The following DCP1B variants were observed in gnomAD, a reference collection of about 807,000 sequenced individuals.
The protein encoded by DCP1B is decapping mRNA 1B, also known as mRNA-decapping enzyme 1B.
In DCP1B, 47 loss-of-function variants were observed where a neutral mutation model predicts 60.5. That is an observed-to-expected ratio of 0.78 (90% confidence interval 0.61 to 0.99). The LOEUF is 0.99. DCP1B is among the 50% of genes least tolerant of loss of function. DCP1B has a pLI of 0.00. For synonymous variants in DCP1B, 267 were observed against 280.3 expected, an observed-to-expected ratio of 0.95 and a Z score of 0.47; for missense variants, 725 against 756.8, an observed-to-expected ratio of 0.96 and a Z score of 0.49.
At chr12:1,943,315 A>T (rs1247005058), downstream of DCP1B, among the ~76,000 whole-genome samples, 3 of 152,228 alleles carry the variant, frequency 2.0e-5, no homozygotes, top group Non-Finnish European at 4.4e-5. Context: ...ATAGCCTATC[A>T]ACCCAGGACC....
In DCP1B at chr12:1,952,666, T is replaced by C. The variant is rs751757639; in HGVS notation, c.1274A>G (p.Glu425Gly). ...QTVGHQAHGR[E>G]QSTLPRQTLP... Reference sequence around the variant, plus strand: ...TGTTTGTCTTGGGAGTGTGGACTGTTCTCTTCCATGAGCCTGATGTCCTAC... The same window carrying C: ...TGTTTGTCTTGGGAGTGTGGACTGTCCTCTTCCATGAGCCTGATGTCCTAC... Residue 425 changes from glutamate (E) to glycine (G), a missense_variant, in exon 7 of 9, where the codon GAA (glutamate) becomes GGA (glycine). Glu to Gly is a moderately conservative substitution (Grantham distance 98). Transcript: ENST00000280665. 2 of 1,614,124 alleles carry C rather than the reference T, an allele frequency of 1.2e-6. No individual in the cohort carries two copies. The highest frequency in any genetic ancestry group is 1.1e-5 in the South Asian group (1 of 91,072).
intron 3 of DCP1B, among the ~76,000 whole-genome samples, chr12:1,986,887 T>C (rs752991134): frequency 1.3e-5 from 2 of 152,198 alleles, no homozygotes; most frequent in Non-Finnish European, 2.9e-5. Context: ...GGGAGAGATA[T>C]ACTGTAGTGA....
chr12:1,997,259 T>C (rs895594505), intron 2 of DCP1B, among the ~76,000 whole-genome samples: 1 of 152,236 alleles, frequency 6.6e-6, no homozygotes, highest in African/African-American at 2.4e-5. Context: ...CCAGGTGCGG[T>C]GGCTCACGCC....
intron 1 of DCP1B, 77 bp downstream of exon 1, chr12:2,004,205 T>A: frequency 6.3e-7 from 1 of 1,576,148 alleles, no homozygotes; most frequent in Non-Finnish European, 8.6e-7. Flanking sequence ...CCTCACCGGG[T>A]CCTCAAGTCC....
rs1437991403 is a variant in DCP1B, at chr12:1,953,098, C to G, written c.842G>C (p.Arg281Thr). Residue 281 changes from arginine to threonine, a missense_variant, in exon 7 of 9, where the codon AGA (arginine) becomes ACA (threonine). By Grantham distance (71) the Arg-to-Thr change is moderately conservative. Coordinates refer to ENST00000280665, the MANE Select transcript of DCP1B (RefSeq NM_152640.5). ...CTGCTTCTCAATGGGGGGTGAGTGTCTTCTGGGTTCCTCATAGGACAGGGA... is the reference window on the plus strand; with the variant it reads ...CTGCTTCTCAATGGGGGGTGAGTGTGTTCTGGGTTCCTCATAGGACAGGGA... ...VRSLSYEEPR[R>T]HSPPIEKQLC... is the part of the protein sequence containing the mutation. 2 of 1,614,088 alleles carry G rather than the reference C, an allele frequency of 1.2e-6. No homozygotes were observed. The highest frequency in any genetic ancestry group is 2.2e-5 in the South Asian group (2 of 91,072).
intron 3 of DCP1B, among the ~76,000 whole-genome samples, chr12:1,973,966 C>A (rs2033426956): frequency 1.3e-5 from 2 of 152,142 alleles, no homozygotes; most frequent in Non-Finnish European, 2.9e-5. Context: ...TAAACAGTCC[C>A]AACTTTTTCT....
At chr12:1,993,233 A>T (rs755765614) in intron 3 of DCP1B, 31 bp downstream of exon 3, 15 of 1,613,960 alleles carry the variant, frequency 9.3e-6, no homozygotes, top group Non-Finnish European at 1.2e-5. Context: ...CTTCAGAAGT[A>T]AAACAACCCA....
chr12:1,996,944 A>G (rs183236757), intron 2 of DCP1B, among the ~76,000 whole-genome samples: 14 of 152,292 alleles, frequency 9.2e-5, no homozygotes, highest in Admixed American at 8.5e-4. Flanking sequence ...AAAGGTTTAT[A>G]TTAGGTCTTT....
chr12:1,974,049 C>T (rs2033470888), intron 3 of DCP1B, among the ~76,000 whole-genome samples: 1 of 152,146 alleles, frequency 6.6e-6, no homozygotes, highest in Admixed American at 6.5e-5. Context: ...CTGTTCCCTC[C>T]ACTAGACTAT....
At chr12:1,982,892 A>C (rs1302516759) in intron 3 of DCP1B, among the ~76,000 whole-genome samples, 1 of 152,148 alleles carries the variant, frequency 6.6e-6, no homozygotes, top group Non-Finnish European at 1.5e-5. Context: ...GGTAGAATTC[A>C]CCAGTTAAAC....
chr12:1,978,087 A>G (rs1472016489), intron 3 of DCP1B, among the ~76,000 whole-genome samples: 1 of 152,210 alleles, frequency 6.6e-6, no homozygotes, highest in East Asian at 1.9e-4. Flanking sequence ...CACTCAGGAA[A>G]AATATTAAGT....
At chr12:1,973,865 G>C (rs2033379455) in intron 3 of DCP1B, among the ~76,000 whole-genome samples, 1 of 151,834 alleles carries the variant, frequency 6.6e-6, no homozygotes, top group Admixed American at 6.6e-5. Flanking sequence ...AAATCTCCTT[G>C]GCCACAAATA....
At chr12:1,986,030 G>A (rs1328749832) in intron 3 of DCP1B, among the ~76,000 whole-genome samples, 2 of 152,148 alleles carry the variant, frequency 1.3e-5, no homozygotes, top group Non-Finnish European at 2.9e-5. Context: ...AGCCAGGATG[G>A]TCTCGATCTC....
At chr12:1,992,213 T>C (rs1426850902) in intron 3 of DCP1B, 1 of 156,116 alleles carries the variant, frequency 6.4e-6, no homozygotes, top group Non-Finnish European at 1.4e-5. Flanking sequence ...TAGTAAGTCA[T>C]ATTATAGTTT....
chr12:2,004,181 C>A, intron 1 of DCP1B, 101 bp downstream of exon 1: 2 of 1,525,572 alleles, frequency 1.3e-6, no homozygotes, highest in South Asian at 1.2e-5. Context: ...TCCAGGGCGT[C>A]AACGTCTCCT....
intron 3 of DCP1B, among the ~76,000 whole-genome samples, chr12:1,981,678 C>G (rs1284586166): frequency 1.3e-5 from 2 of 152,138 alleles, no homozygotes; most frequent in Non-Finnish European, 2.9e-5. Flanking sequence ...TTTCAACAGA[C>G]AAGTGCTCAA....
Position 1,955,027 on chromosome 12 carries a change from C to T in DCP1B, c.651+405G>A, listed in dbSNP as rs115498174. ...TACAGGTGCACGCCATCATGCCTGGCTAATTTTCCTGTAGAGATGGAGTCT... is the reference window on the plus strand; with the variant it reads ...TACAGGTGCACGCCATCATGCCTGGTTAATTTTCCTGTAGAGATGGAGTCT... On this transcript the variant is annotated intron_variant, in intron 6 of 8. Coordinates refer to ENST00000280665, the MANE Select transcript of DCP1B (RefSeq NM_152640.5). Among the ~76,000 whole-genome samples the T allele has an allele frequency of 8.1e-3, 1,234 of 152,204 alleles. 17 individuals are homozygous for T. Among genetic ancestry groups the T allele is most frequent in the African/African-American group, 0.028 (1,162 of 41,538 alleles).
intron 1 of DCP1B, 136 bp downstream of exon 1, chr12:2,004,146 G>C: frequency 8.0e-7 from 1 of 1,257,826 alleles, no homozygotes; most frequent in Non-Finnish European, 1.1e-6. Context: ...CACAACTTCG[G>C]CCTCAGTCCC....
intron 5 of DCP1B, among the ~76,000 whole-genome samples, chr12:1,957,019 G>T (rs988323025): frequency 1.4e-4 from 21 of 152,138 alleles, no homozygotes; most frequent in African/African-American, 3.9e-4. Flanking sequence ...GCTGTTTTCT[G>T]TGTCACTACA....
Sources: allele counts gnomAD v4.1 joint callset (sites outside exome capture counted in the v4.1 genomes callset), GRCh38; gene constraint gnomAD v4.1.1; transcripts MANE v1.5; gene names NCBI Gene and HGNC (gene_info 2026-07-23, HGNC 2026-07-21).